Variants in KHDRBS3 observed in about 807,000 individuals in gnomAD.
KHDRBS3 encodes the protein KH RNA binding domain containing, signal transduction associated 3.
In KHDRBS3, 23 loss-of-function variants were observed where a neutral mutation model predicts 45.6. That is an observed-to-expected ratio of 0.50 (90% CI 0.36 to 0.72). The LOEUF is 0.72. Among genes scored for constraint, KHDRBS3 ranks in the 30% least tolerant of loss-of-function variants. The probability of loss-of-function intolerance (pLI) is 0.00; values close to 1 mark genes in which losing one functional copy is unlikely to be tolerated. For missense variants in KHDRBS3, 352 were observed against 424.8 expected (o/e 0.83, Z 1.51); for synonymous variants, 162 against 156.5 (o/e 1.04, Z -0.26).
intron 1 of KHDRBS3, among the ~76,000 whole-genome samples, chr8:135,465,403 A>G (rs1009703066): frequency 2.0e-5 from 3 of 152,244 alleles, no homozygotes; most frequent in Non-Finnish European, 4.4e-5. Context: ...AATGTATATA[A>G]TACAAATTCA....
At chr8:135,482,059 A>G (rs751008904) in intron 1 of KHDRBS3, among the ~76,000 whole-genome samples, 1 of 152,206 alleles carries the variant, frequency 6.6e-6, no homozygotes, top group Non-Finnish European at 1.5e-5. Flanking sequence ...TTTCTTTGGC[A>G]CTCAGCATAA....
chr8:135,496,925 G>A (rs138760561), intron 1 of KHDRBS3, among the ~76,000 whole-genome samples: 4 of 152,338 alleles, frequency 2.6e-5, no homozygotes, highest in Non-Finnish European at 5.9e-5. Flanking sequence ...AGTTCACAGA[G>A]GGACTGTTGC....
At chr8:135,580,808 T>C (rs891696169) in intron 5 of KHDRBS3, among the ~76,000 whole-genome samples, 1 of 152,090 alleles carries the variant, frequency 6.6e-6, no homozygotes, top group African/African-American at 2.4e-5. Context: ...AGATGGAGTT[T>C]TGCCATGTTG....
At chr8:135,468,226 C>T (rs1034536167) in intron 1 of KHDRBS3, among the ~76,000 whole-genome samples, 3 of 152,172 alleles carry the variant, frequency 2.0e-5, no homozygotes, top group African/African-American at 7.2e-5. Flanking sequence ...CCTAAATTGG[C>T]TTAGTATTTT....
At chr8:135,565,183 G>GC (rs1827353657) in intron 5 of KHDRBS3, among the ~76,000 whole-genome samples, 1 of 152,120 alleles carries the variant, frequency 6.6e-6, no homozygotes. Flanking sequence ...GGAGCTTCTT[G>GC]CCCGGTTTAA....
intron 5 of KHDRBS3, among the ~76,000 whole-genome samples, chr8:135,569,371 T>C (rs149057315): frequency 1.3e-5 from 2 of 152,278 alleles, no homozygotes; most frequent in East Asian, 3.9e-4. Flanking sequence ...TTAAATTGGC[T>C]GCTATAAAAT....
Position 135,536,904 on chromosome 8 carries a change from G to A in KHDRBS3, c.208-5750G>A, listed in dbSNP as rs1825788779. Among the ~76,000 whole-genome samples the A allele has an allele frequency of 2.8e-5, 4 of 143,018 alleles. No individual in the cohort carries two copies. The South Asian group carries it at 9.2e-4, about 33-fold the overall frequency. The allele number at this position is 143,018 out of a possible 152,430, so 93.8% of individuals were successfully genotyped here. On this transcript the variant is annotated intron_variant, in intron 2 of 8. Coordinates refer to ENST00000355849, the MANE Select transcript of KHDRBS3 (RefSeq NM_006558.3). ...GAACCCGGGAAGCGGAGCTTGCAGT[G>A]AGCCGAGATTGCGCCACTGCAGTCC... is the stretch of plus-strand genomic sequence containing the variant.
intron 1 of KHDRBS3, among the ~76,000 whole-genome samples, chr8:135,507,401 A>G (rs1273428375): frequency 6.6e-6 from 1 of 152,228 alleles, no homozygotes; most frequent in African/African-American, 2.4e-5. Flanking sequence ...GAATCTGTAT[A>G]TTCAGCCCTA....
intron 7 of KHDRBS3, among the ~76,000 whole-genome samples, chr8:135,626,151 A>G (rs1233003218): frequency 2.0e-5 from 3 of 152,258 alleles, no homozygotes; most frequent in South Asian, 2.1e-4. Context: ...TCCTTCATAT[A>G]TGTATATAAC....
chr8:135,626,124 A>T, intron 7 of KHDRBS3: 1 of 499,060 alleles, frequency 2.0e-6, no homozygotes, highest in Non-Finnish European at 3.6e-6. Flanking sequence ...CTTCTGCTTT[A>T]ATATCATTAA....
chr8:135,536,669 A>G (rs1035595747), intron 2 of KHDRBS3, among the ~76,000 whole-genome samples: 3 of 152,256 alleles, frequency 2.0e-5, no homozygotes, highest in African/African-American at 7.2e-5. Flanking sequence ...GGACAGATTT[A>G]AGAGATGTTG....
intron 6 of KHDRBS3, among the ~76,000 whole-genome samples, chr8:135,594,486 A>G (rs1190155544): frequency 6.6e-6 from 1 of 152,218 alleles, no homozygotes; most frequent in Non-Finnish European, 1.5e-5. Flanking sequence ...AGCTGGAAAT[A>G]CTAGGGCTTA....
At chr8:135,463,534 T>TAA (rs1821538172) in intron 1 of KHDRBS3, among the ~76,000 whole-genome samples, 1 of 152,152 alleles carries the variant, frequency 6.6e-6, no homozygotes, top group African/African-American at 2.4e-5. Flanking sequence ...AATCAGATGT[T>TAA]TATTTACTTT....
At chr8:135,460,955 A>G (rs1195896126) in intron 1 of KHDRBS3, among the ~76,000 whole-genome samples, 1 of 152,174 alleles carries the variant, frequency 6.6e-6, no homozygotes, top group Non-Finnish European at 1.5e-5. Flanking sequence ...ACAATAAGAG[A>G]TATACTCCTG....
chr8:135,614,448 TAAC>T (rs1829830554), intron 7 of KHDRBS3, among the ~76,000 whole-genome samples: 1 of 151,902 alleles, frequency 6.6e-6, no homozygotes, highest in South Asian at 2.1e-4. Flanking sequence ...ACAATCCTAA[TAAC>T]TATCATAATA....
intron 6 of KHDRBS3, among the ~76,000 whole-genome samples, chr8:135,583,990 G>C (rs2130932881): frequency 6.6e-6 from 1 of 152,274 alleles, no homozygotes; most frequent in East Asian, 1.9e-4. Context: ...GAATTGAGAA[G>C]TATTCTGTAG....
intron 6 of KHDRBS3, among the ~76,000 whole-genome samples, chr8:135,583,345 G>A (rs958031634): frequency 5.9e-5 from 9 of 152,164 alleles, no homozygotes; most frequent in African/African-American, 1.2e-4. Context: ...CTTTGAATTC[G>A]TTACAGTTAA....
At chr8:135,593,805 C>A (rs1415501022) in intron 6 of KHDRBS3, among the ~76,000 whole-genome samples, 1 of 152,134 alleles carries the variant, frequency 6.6e-6, no homozygotes, top group African/African-American at 2.4e-5. Flanking sequence ...AGACGAAACA[C>A]AGTTAACCTT....
intron 1 of KHDRBS3, among the ~76,000 whole-genome samples, chr8:135,512,538 A>G (rs1027996810): frequency 4.6e-5 from 7 of 151,230 alleles, no homozygotes; most frequent in Admixed American, 3.3e-4. Flanking sequence ...ATGAACTTCT[A>G]TTAATAGTTC....
Sources: allele counts gnomAD v4.1 joint callset (sites outside exome capture counted in the v4.1 genomes callset), GRCh38; gene constraint gnomAD v4.1.1; transcripts MANE v1.5; gene names NCBI Gene and HGNC (gene_info 2026-07-23, HGNC 2026-07-21).